Variants in TACR3 observed in about 807,000 individuals in gnomAD.
The protein encoded by TACR3 is neuromedin-K receptor.
In TACR3, 34 loss-of-function variants were observed where a neutral mutation model predicts 35.0. That is an observed-to-expected ratio of 0.97 (90% CI 0.74 to 1.30). The LOEUF is 1.30. Among genes scored for constraint, TACR3 ranks in the 50% most tolerant of loss-of-function variants. The probability of loss-of-function intolerance (pLI) is 0.00; values close to 1 mark genes in which losing one functional copy is unlikely to be tolerated. For missense variants in TACR3, 558 were observed against 591.7 expected, an observed-to-expected ratio of 0.94 and a Z score of 0.59; for synonymous variants, 233 against 221.1, an observed-to-expected ratio of 1.05 and a Z score of -0.48.
At chr4:103,680,479 A>G (rs1048829946) in intron 1 of TACR3, among the ~76,000 whole-genome samples, 12 of 143,278 alleles carry the variant, frequency 8.4e-5, no homozygotes, top group South Asian at 2.3e-4. Flanking sequence ...ATATATATAT[A>G]TATATATACA....
intron 3 of TACR3, among the ~76,000 whole-genome samples, chr4:103,649,360 C>A (rs1725531943): frequency 6.6e-6 from 1 of 152,010 alleles, no homozygotes; most frequent in African/African-American, 2.4e-5. Context: ...GAACTCTTTG[C>A]CTAGTTCAAT....
At chr4:103,684,449 G>T (rs994610060) in intron 1 of TACR3, among the ~76,000 whole-genome samples, 2 of 152,004 alleles carry the variant, frequency 1.3e-5, no homozygotes, top group Non-Finnish European at 2.9e-5. Context: ...ATTTTAAAAA[G>T]CTACCACTAA....
rs138710424 is a variant in TACR3, at chr4:103,660,732, C to T, written c.549-2329G>A. On this transcript the variant is annotated intron_variant, in intron 1 of 4. Transcript: ENST00000304883. The stretch of plus-strand genomic sequence containing the variant: ...AGAAAGAGAAAAGAAAAAGTAGTGA[C>T]AAAAAAATACCTAAGTTTAGGAAAA... 4.1e-3 allele frequency among the ~76,000 whole-genome samples: 617 copies of T among 151,594 alleles called. 2 individuals carry two copies. The highest frequency in any genetic ancestry group is 0.014 in the African/African-American group (588 of 41,396).
chr4:103,717,460 T>C (rs571056135), intron 1 of TACR3, among the ~76,000 whole-genome samples: 1 of 152,238 alleles, frequency 6.6e-6, no homozygotes, highest in African/African-American at 2.4e-5. Flanking sequence ...TAAATGATTA[T>C]TTAAAATAAC....
At chr4:103,695,856 T>C (rs1479895473) in intron 1 of TACR3, among the ~76,000 whole-genome samples, 3 of 152,048 alleles carry the variant, frequency 2.0e-5, no homozygotes, top group Non-Finnish European at 2.9e-5. Context: ...GGAATGGGAA[T>C]TGAGTTATCA....
chr4:103,712,355 C>G (rs1209863847), intron 1 of TACR3, among the ~76,000 whole-genome samples: 3 of 152,040 alleles, frequency 2.0e-5, no homozygotes, highest in South Asian at 2.1e-4. Flanking sequence ...ACAAACCTGA[C>G]AAAAACAAGA....
chr4:103,669,407 T>A (rs1023462930), intron 1 of TACR3, among the ~76,000 whole-genome samples: 6 of 152,144 alleles, frequency 3.9e-5, no homozygotes, highest in Admixed American at 3.3e-4. Context: ...CTATTTTAGT[T>A]TTTTGAGGAA....
intron 3 of TACR3, among the ~76,000 whole-genome samples, chr4:103,632,986 A>G (rs969110262): frequency 1.3e-5 from 2 of 151,852 alleles, no homozygotes; most frequent in African/African-American, 4.8e-5. Flanking sequence ...TACATATTGT[A>G]AAAAAAAGAT....
At chr4:103,677,287 G>T (rs899043253) in intron 1 of TACR3, among the ~76,000 whole-genome samples, 1 of 150,360 alleles carries the variant, frequency 6.7e-6, no homozygotes, top group East Asian at 2.1e-4. Context: ...CAATCATTGT[G>T]GAAGACGGTG....
At chr4:103,672,776 A>C (rs75051322) in intron 1 of TACR3, among the ~76,000 whole-genome samples, 23,445 of 152,104 alleles carry the variant, frequency 0.15, 2,353 homozygotes, top group East Asian at 0.43. Context: ...TCAGGCATTG[A>C]CTTCTCCTCT....
At chr4:103,701,795 G>A (rs1284558130) in intron 1 of TACR3, among the ~76,000 whole-genome samples, 3 of 152,272 alleles carry the variant, frequency 2.0e-5, no homozygotes, top group African/African-American at 7.2e-5. Context: ...AACAAGAAAT[G>A]GGGAAAGGAT....
intron 3 of TACR3, among the ~76,000 whole-genome samples, chr4:103,601,422 G>A (rs1392990393): frequency 1.3e-5 from 2 of 152,112 alleles, no homozygotes; most frequent in African/African-American, 4.8e-5. Context: ...ATTTGATCCT[G>A]TCATTATGAT....
At chr4:103,639,611 A>G (rs76534477) in intron 3 of TACR3, among the ~76,000 whole-genome samples, 2,660 of 152,172 alleles carry the variant, frequency 0.017, 75 homozygotes, top group African/African-American at 0.062. Flanking sequence ...AAATGAAAAA[A>G]AGAAAAATCA....
chr4:103,713,574 G>A (rs1312780629), intron 1 of TACR3, among the ~76,000 whole-genome samples: 1 of 151,186 alleles, frequency 6.6e-6, no homozygotes, highest in East Asian at 1.9e-4. Context: ...ATACATACGT[G>A]ACAAACCTGC....
At chr4:103,689,530 T>TAACAAC (rs150003475) in intron 1 of TACR3, among the ~76,000 whole-genome samples, 2 of 151,594 alleles carry the variant, frequency 1.3e-5, no homozygotes, top group African/African-American at 4.8e-5. Context: ...CTGAAAAGTA[T>TAACAAC]AACAACAACA....
intron 1 of TACR3, among the ~76,000 whole-genome samples, chr4:103,689,492 C>A (rs1233618546): frequency 6.6e-6 from 1 of 151,840 alleles, no homozygotes; most frequent in Admixed American, 6.6e-5. Context: ...ATAGAAATTA[C>A]AAAAAGAATT....
chr4:103,700,920 T>C (rs1463362834), intron 1 of TACR3, among the ~76,000 whole-genome samples: 2 of 152,190 alleles, frequency 1.3e-5, no homozygotes, highest in Non-Finnish European at 1.5e-5. Flanking sequence ...GAGCTATCTA[T>C]GACAAACCCA....
intron 3 of TACR3, among the ~76,000 whole-genome samples, chr4:103,655,127 G>A (rs1328803807): frequency 2.6e-5 from 4 of 152,170 alleles, no homozygotes; most frequent in Non-Finnish European, 4.4e-5. Context: ...GTTTTCAAAT[G>A]CTAGAAATCA....
rs749434561 is a variant in TACR3 at position 103,587,491 on chromosome 4, A to G, written c.*2191T>C. 6.6e-6 allele frequency: 1 copy of G among 152,082 alleles called. No individual in the cohort carries two copies. Among genetic ancestry groups the G allele is most frequent in the Non-Finnish European group, 1.5e-5 (1 of 67,988 alleles). The allele number at this position is 152,082 out of a possible 1,614,324, so 9.4% of individuals were successfully genotyped here. ...CAACAATCCAACTGACGAGGCCAGT[A>G]TTTTTCCTTAGAAATAAATGTCTTA... On this transcript the variant is annotated 3_prime_UTR_variant, in exon 5 of 5. Coordinates refer to ENST00000304883, the MANE Select transcript of TACR3 (RefSeq NM_001059.3).
Sources: gnomAD v4.1 joint callset for allele counts (sites outside exome capture counted in the v4.1 genomes callset) on GRCh38, gnomAD v4.1.1 for gene constraint, MANE v1.5 for transcripts, NCBI Gene and HGNC (gene_info 2026-07-23, HGNC 2026-07-21) for gene names.